The following HRH1 variants were observed in gnomAD, a reference collection of about 807,000 sequenced individuals.
HRH1 encodes histamine H1 receptor.
Under a neutral mutation model 10.3 loss-of-function variants are expected in HRH1, and 6 were observed. The observed-to-expected ratio is 0.58, with a 90% CI of 0.32 to 1.15. The LOEUF (loss-of-function observed/expected upper bound fraction) is 1.15. Among genes scored for constraint, HRH1 ranks in the 50% most tolerant of loss-of-function variants. HRH1 has a pLI of 0.05. For synonymous variants in HRH1, 242 were observed against 236.7 expected (o/e 1.02, Z -0.21); for missense variants, 514 against 615.3 (o/e 0.84, Z 1.74).
chr3:11,167,337 C>T (rs1197950164), intron 1 of HRH1, among the ~76,000 whole-genome samples: 1 of 122,872 alleles, frequency 8.1e-6, no homozygotes, highest in African/African-American at 3.2e-5. Flanking sequence ...CCCGTGACAT[C>T]TGCTGTCCCC....
chr3:11,258,495 C>T (rs1424441864), intron 1 of HRH1, among the ~76,000 whole-genome samples: 3 of 152,144 alleles, frequency 2.0e-5, no homozygotes, highest in African/African-American at 7.2e-5. Context: ...TTGTTTTGAT[C>T]ATTTGTCAGA....
chr3:11,232,084 G>A (rs539311111), intron 1 of HRH1, among the ~76,000 whole-genome samples: 5 of 151,620 alleles, frequency 3.3e-5, no homozygotes, highest in African/African-American at 9.7e-5. Flanking sequence ...ACCGCCTCCC[G>A]GGTTCAAGCG....
chr3:11,235,681 C>T (rs1302946397), intron 1 of HRH1, among the ~76,000 whole-genome samples: 2 of 152,198 alleles, frequency 1.3e-5, no homozygotes, highest in Non-Finnish European at 2.9e-5. Context: ...GCCACCCCAG[C>T]AAGGGGAGTT....
chr3:11,229,807 G>A (rs1402326623), intron 1 of HRH1, among the ~76,000 whole-genome samples: 1 of 152,138 alleles, frequency 6.6e-6, no homozygotes, highest in Admixed American at 6.6e-5. Flanking sequence ...TTCATACGTG[G>A]TAGTGAAATA....
At chr3:11,257,357 T>A (rs1939808563) in intron 1 of HRH1, among the ~76,000 whole-genome samples, 4 of 146,402 alleles carry the variant, frequency 2.7e-5, no homozygotes, top group Admixed American at 6.8e-5. Context: ...GGAGTTCAAG[T>A]CCAGCCTGAC....
chr3:11,167,661 T>G (rs1937071843), intron 1 of HRH1, among the ~76,000 whole-genome samples: 1 of 152,258 alleles, frequency 6.6e-6, no homozygotes, highest in Admixed American at 6.5e-5. Context: ...TGTTTCACAT[T>G]CAGCCTCCTA....
intron 1 of HRH1, among the ~76,000 whole-genome samples, chr3:11,169,157 C>G (rs968198181): frequency 1.1e-4 from 17 of 152,212 alleles, no homozygotes; most frequent in African/African-American, 4.1e-4. Flanking sequence ...GGAGCATGTC[C>G]CTTCTCTCTG....
chr3:11,260,780 A>ATCTTTT lies in HRH1; in HGVS notation c.*280_*281insCTTTTT. 1 of 383,064 alleles carries ATCTTTT rather than the reference A, an allele frequency of 2.6e-6. No individual in the cohort carries two copies. Among genetic ancestry groups the ATCTTTT allele is most frequent in the Non-Finnish European group, 4.9e-6 (1 of 205,238 alleles). 23.7% of individuals were successfully genotyped at this position (383,064 alleles called of 1,614,324 possible). ...GTTCAAAAAGAAAAAAATAATAAAAATAAAAGAGAGAGAGAATCAGACCTG... is the reference window on the plus strand; with the variant it reads ...GTTCAAAAAGAAAAAAATAATAAAAATCTTTTTAAAAGAGAGAGAGAATCAGACCTG... On this transcript the variant is annotated 3_prime_UTR_variant, in exon 2 of 2. Transcript: ENST00000431010.
At chr3:11,232,977 G>A (rs1939081703) in intron 1 of HRH1, among the ~76,000 whole-genome samples, 1 of 152,044 alleles carries the variant, frequency 6.6e-6, no homozygotes, top group South Asian at 2.1e-4. Context: ...GTTTTCTGTG[G>A]GAAATCTGCT....
intron 1 of HRH1, among the ~76,000 whole-genome samples, chr3:11,213,571 T>G (rs573092106): frequency 6.6e-6 from 1 of 152,206 alleles, no homozygotes; most frequent in South Asian, 2.1e-4. Context: ...TCATAAATGG[T>G]GCCATCTAGG....
At chr3:11,199,558 A>G (rs1937818552) in intron 1 of HRH1, among the ~76,000 whole-genome samples, 1 of 152,020 alleles carries the variant, frequency 6.6e-6, no homozygotes, top group African/African-American at 2.4e-5. Flanking sequence ...CACAGTCCCC[A>G]CTTCCCTGCT....
At chr3:11,186,430 C>A (rs1314722161) in intron 1 of HRH1, among the ~76,000 whole-genome samples, 1 of 152,168 alleles carries the variant, frequency 6.6e-6, no homozygotes, top group Non-Finnish European at 1.5e-5. Context: ...ATCCTTGCAG[C>A]ATGGCATAGA....
At chr3:11,183,679 C>T (rs575893315) in intron 1 of HRH1, among the ~76,000 whole-genome samples, 2 of 151,744 alleles carry the variant, frequency 1.3e-5, no homozygotes, top group African/African-American at 4.8e-5. Flanking sequence ...TCCAGGGCAT[C>T]TTTTTGTGCC....
chr3:11,149,784 C>T (rs879816412), upstream of HRH1, among the ~76,000 whole-genome samples: 1 of 152,228 alleles, frequency 6.6e-6, no homozygotes, highest in African/African-American at 2.4e-5. Context: ...CGTATATGAA[C>T]GTTCACTAAA....
chr3:11,195,709 C>T (rs1411086824), intron 1 of HRH1, among the ~76,000 whole-genome samples: 1 of 152,216 alleles, frequency 6.6e-6, no homozygotes, highest in Non-Finnish European at 1.5e-5. Flanking sequence ...CCTCAAGGAG[C>T]TCCTCATAGG....
At chr3:11,201,965 C>G (rs1028537304) in intron 1 of HRH1, among the ~76,000 whole-genome samples, 8 of 152,210 alleles carry the variant, frequency 5.3e-5, no homozygotes, top group African/African-American at 1.7e-4. Context: ...ATACTCCCCC[C>G]TCACCGGGGC....
intron 1 of HRH1, among the ~76,000 whole-genome samples, chr3:11,239,053 G>A (rs2152578647): frequency 6.6e-6 from 1 of 152,280 alleles, no homozygotes; most frequent in East Asian, 1.9e-4. Context: ...TGAGTCATAT[G>A]GTAACTATGT....
intron 1 of HRH1, among the ~76,000 whole-genome samples, chr3:11,201,887 C>A (rs949215229): frequency 6.6e-6 from 1 of 152,158 alleles, no homozygotes; most frequent in Non-Finnish European, 1.5e-5. Flanking sequence ...ATTTGTCTGC[C>A]GCCCAGGCCT....
Position 11,261,656 on chromosome 3 carries a change from G to A in HRH1, c.*1155G>A, listed in dbSNP as rs200997011. The A allele has an allele frequency of 3.0e-5, 5 of 164,968 alleles. No homozygotes were observed. Among genetic ancestry groups the A allele is most frequent in the African/African-American group, 1.2e-4 (5 of 41,434 alleles). The allele number at this position is 164,968 out of a possible 1,614,324, so 10.2% of individuals were successfully genotyped here. The stretch of plus-strand genomic sequence containing the variant: ...GTTCAAGACCAGTCTGGCCAATATG[G>A]AGAAACCTTGTCTCTACTAAAAACA... On this transcript the variant is annotated 3_prime_UTR_variant, in exon 2 of 2. Coordinates refer to ENST00000431010, the MANE Select transcript of HRH1 (RefSeq NM_001098212.2).
Sources: allele counts gnomAD v4.1 joint callset (sites outside exome capture counted in the v4.1 genomes callset), GRCh38; gene constraint gnomAD v4.1.1; transcripts MANE v1.5; gene names NCBI Gene and HGNC (gene_info 2026-07-23, HGNC 2026-07-21).